CCNI: variants seen among roughly 807,000 people sequenced by gnomAD.
CCNI encodes the protein cyclin I.
Under a neutral mutation model 34.1 loss-of-function variants are expected in CCNI, and 14 were observed. The ratio of observed to expected loss-of-function variants is 0.41; its 90% CI spans 0.27 to 0.64. The LOEUF is 0.64. CCNI is among the 30% of genes least tolerant of loss of function. The pLI is 0.31. For synonymous variants in CCNI, 154 were observed against 158.4 expected, an observed-to-expected ratio of 0.97 and a Z score of 0.21; for missense variants, 385 against 440.5, an observed-to-expected ratio of 0.87 and a Z score of 1.13.
rs758819888 is a variant in CCNI at position 77,066,393 on chromosome 4, T to C, written c.-31A>G. On this transcript the variant is annotated 5_prime_UTR_variant, in exon 2 of 7. Coordinates refer to ENST00000237654, the MANE Select transcript of CCNI (RefSeq NM_006835.3). ...CCTTTGGATCTGCCTGCTACCCAGC[T>C]TGCTGTAGCTACCTACAGAATCAAG... The C allele has an allele frequency of 1.1e-5, 17 of 1,612,648 alleles. No homozygotes were observed. The highest frequency in any genetic ancestry group is 2.2e-5 in the South Asian group (2 of 90,914).
Position 77,048,673 on chromosome 4 carries a change from A to G in CCNI, c.691-11T>C, listed in dbSNP as rs755196214. The G allele has an allele frequency of 3.4e-6, 2 of 595,640 alleles. No individual in the cohort carries two copies. The highest frequency in any genetic ancestry group is 4.4e-6 in the Non-Finnish European group (2 of 452,724). The allele number at this position is 595,640 out of a possible 1,614,324, so 36.9% of individuals were successfully genotyped here. ...CTGGGAGCTATCCATCTGGGCCAGGAAAAAAAAAAAGCCACACACAGTTGA... is the reference window on the plus strand; with the variant it reads ...CTGGGAGCTATCCATCTGGGCCAGGGAAAAAAAAAAGCCACACACAGTTGA... On this transcript the variant is annotated splice_polypyrimidine_tract_variant and intron_variant, in intron 6 of 6. Coordinates refer to ENST00000237654, the MANE Select transcript of CCNI (RefSeq NM_006835.3).
Position 77,048,304 on chromosome 4 carries a change from A to C in CCNI, c.1049T>G (p.Val350Gly). 1 of 1,614,044 alleles carries C rather than the reference A, an allele frequency of 6.2e-7. No individual in the cohort carries two copies. Among genetic ancestry groups the C allele is most frequent in the South Asian group, 1.1e-5 (1 of 91,068 alleles). The change falls in exon 7 of 7, where the codon GTG (valine) becomes GGG (glycine). Residue 350 changes from valine to glycine, a missense_variant. Physicochemically the swap from Val to Gly is moderately radical, Grantham distance 109. Transcript: ENST00000237654. The stretch of plus-strand genomic sequence containing the variant: ...TAAATCAGTGCCACACACAGAACCC[A>C]CATTTTCTGAGACATTATCTTCATT... ...LYNEDNVSEN[V>G]GSVCGTDLSR...
intron 1 of CCNI, chr4:77,074,775 C>G (rs1729769874): frequency 6.6e-6 from 1 of 152,216 alleles, no homozygotes; most frequent in Admixed American, 6.5e-5. Flanking sequence ...CCTTCAGAGT[C>G]TGAATCCATC....
In CCNI at chr4:77,066,425, T is replaced by G; in HGVS notation, c.-43-20A>C. The G allele has an allele frequency of 6.3e-7, 1 of 1,584,994 alleles. No individual in the cohort carries two copies. Among genetic ancestry groups the G allele is most frequent in the Non-Finnish European group, 8.6e-7 (1 of 1,163,726 alleles). On this transcript the variant is annotated intron_variant, in intron 1 of 6. Coordinates refer to ENST00000237654, the MANE Select transcript of CCNI (RefSeq NM_006835.3). ...AGCTACCTACAGAATCAAGTAAGTT[T>G]TAAAATTAGTTATAGAATAAGTGTA... is the stretch of plus-strand genomic sequence containing the variant.
chr4:77,067,816 A>G (rs1350995792), intron 1 of CCNI, among the ~76,000 whole-genome samples: 2 of 136,512 alleles, frequency 1.5e-5, no homozygotes, highest in African/African-American at 5.3e-5. Flanking sequence ...AAAAAAAAAA[A>G]AAAGAAGCAA....
In CCNI at chr4:77,055,132, A is replaced by C. The variant is rs1204311964; in HGVS notation, c.690+18T>G. ...GAAAAACTTAAAAAGAACACTATTT[A>C]ATTAGACTGACACCTACCTGTGCTT... On this transcript the variant is annotated intron_variant, in intron 6 of 6. Transcript: ENST00000237654. The C allele has an allele frequency of 2.6e-6, 4 of 1,517,026 alleles. No individual in the cohort carries two copies. The highest frequency in any genetic ancestry group is 3.7e-6 in the Non-Finnish European group (4 of 1,092,188). The allele number at this position is 1,517,026 out of a possible 1,614,324, so 94.0% of individuals were successfully genotyped here. A position where few individuals can be genotyped will look rare whatever the true frequency, so the allele number is the denominator to read the frequency against.
Position 77,056,282 on chromosome 4 carries a change from A to G in CCNI, c.285T>C (p.Phe95=), listed in dbSNP as rs1211989169. Reference sequence around the variant, plus strand: ...CCTCAACAGTCTTGGCAGCTAGGAAAAAACAGCTGATTGCAATACAACTCA... The same window carrying G: ...CCTCAACAGTCTTGGCAGCTAGGAAGAAACAGCTGATTGCAATACAACTCA... ...KYLSCIAISC[F]FLAAKTVEED... Residue 95 remains phenylalanine, a synonymous_variant, in exon 4 of 7, where the codon TTT becomes TTC. Transcript: ENST00000237654. 1.9e-6 allele frequency: 3 copies of G among 1,613,834 alleles called. No homozygotes were observed. In the South Asian group the frequency reaches 3.3e-5, roughly 18 times the overall value.
intron 3 of CCNI, among the ~76,000 whole-genome samples, chr4:77,056,988 A>G (rs889569711): frequency 5.3e-5 from 8 of 152,316 alleles, no homozygotes; most frequent in African/African-American, 1.4e-4. Context: ...CCAATTAACC[A>G]AAGTTCATTT....
At chr4:77,061,778 TC>T (rs1489026992) in intron 2 of CCNI, among the ~76,000 whole-genome samples, 2 of 152,166 alleles carry the variant, frequency 1.3e-5, no homozygotes, top group African/African-American at 4.8e-5. Context: ...CACACCATTC[TC>T]CTGCCTCAGC....
chr4:77,070,499 A>G (rs1367264436), intron 1 of CCNI, among the ~76,000 whole-genome samples: 1 of 137,752 alleles, frequency 7.3e-6, no homozygotes, highest in African/African-American at 2.7e-5. Flanking sequence ...TTTTTGACAC[A>G]TCCTTGTTCA....
chr4:77,071,181 G>A (rs1221736713), intron 1 of CCNI, among the ~76,000 whole-genome samples: 1 of 152,128 alleles, frequency 6.6e-6, no homozygotes, highest in Non-Finnish European at 1.5e-5. Flanking sequence ...ATGGATTCCC[G>A]TTCTCCAATT....
intron 1 of CCNI, among the ~76,000 whole-genome samples, chr4:77,072,571 A>G (rs886086085): frequency 1.4e-5 from 2 of 145,032 alleles, no homozygotes; most frequent in Non-Finnish European, 3.0e-5. Flanking sequence ...CAGGAGCTTG[A>G]GGCTGCAGTC....
At chr4:77,053,097 G>A (rs1183455102) in intron 6 of CCNI, among the ~76,000 whole-genome samples, 2 of 152,158 alleles carry the variant, frequency 1.3e-5, no homozygotes, top group African/African-American at 4.8e-5. Flanking sequence ...GCTATGGAAG[G>A]GAAAACGCTA....
rs540366340 is a variant in CCNI, at chr4:77,071,736, G to A, written c.-44+3736C>T. 2.0e-5 allele frequency among the ~76,000 whole-genome samples: 3 copies of A among 152,146 alleles called. No individual in the cohort carries two copies. The East Asian group carries it at 5.8e-4, about 29-fold the overall frequency. ...TGAACAACTGTGTGCAACTAAATTG[G>A]CAATTTTAGATGAAATGGTCCAGTT... is the stretch of plus-strand genomic sequence containing the variant. On this transcript the variant is annotated intron_variant, in intron 1 of 6. Transcript: ENST00000237654.
chr4:77,050,383 C>T (rs551911914), intron 6 of CCNI, among the ~76,000 whole-genome samples: 1 of 152,212 alleles, frequency 6.6e-6, no homozygotes, highest in Non-Finnish European at 1.5e-5. Flanking sequence ...GAAAATAACG[C>T]ACTCTACAAG....
chr4:77,066,484 AAAC>A (rs1300539229), intron 1 of CCNI, 79 bp from the exon 2 acceptor site: 1 of 1,037,936 alleles, frequency 9.6e-7, no homozygotes, highest in Non-Finnish European at 1.4e-6. Flanking sequence ...GCAACTCATA[AAAC>A]AAAATAAGAA....
chr4:77,048,317 C>T lies in CCNI; in HGVS notation c.1036G>A (p.Val346Ile). ...CACACAGAACCCACATTTTCTGAGA[C>T]ATTATCTTCATTATAGAGCCGTTTG... is the stretch of plus-strand genomic sequence containing the variant. ...GIKRLYNEDN[V>I]SENVGSVCGT... is the part of the protein sequence containing the mutation. Residue 346 changes from valine (V) to isoleucine (I), a missense_variant, in exon 7 of 7, where the codon GTC (valine) becomes ATC (isoleucine). Val to Ile is a conservative substitution (Grantham distance 29). Around this residue, in one of 2 missense-constraint regions of CCNI, gnomAD observed 250 missense variants for 248.7 expected, o/e 1.01. Transcript: ENST00000237654. The T allele has an allele frequency of 6.2e-7, 1 of 1,614,078 alleles. No individual in the cohort carries two copies. The highest frequency in any genetic ancestry group is 8.5e-7 in the Non-Finnish European group (1 of 1,180,000).
At chr4:77,072,305 A>G (rs1419365294) in intron 1 of CCNI, among the ~76,000 whole-genome samples, 2 of 151,796 alleles carry the variant, frequency 1.3e-5, no homozygotes, top group African/African-American at 4.8e-5. Context: ...ACGAGGTAAA[A>G]TTTCCTTAAA....
chr4:77,063,421 G>A (rs1211199007), intron 2 of CCNI, among the ~76,000 whole-genome samples: 1 of 151,496 alleles, frequency 6.6e-6, no homozygotes, highest in Non-Finnish European at 1.5e-5. Context: ...AGAAGGTGCT[G>A]GGTGCGGTGG....
Sources: gnomAD v4.1 joint callset for allele counts (sites outside exome capture counted in the v4.1 genomes callset) on GRCh38, gnomAD v4.1.1 for gene constraint, gnomAD v4.1.1 regional missense constraint, MANE v1.5 for transcripts, NCBI Gene and HGNC (gene_info 2026-07-23, HGNC 2026-07-21) for gene names.